FMN2: variants seen among roughly 807,000 people sequenced by gnomAD.
FMN2 encodes formin-2.
Under a neutral mutation model 142.3 loss-of-function variants are expected in FMN2, and 51 were observed. That is an observed-to-expected ratio of 0.36 (90% confidence interval 0.29 to 0.45). FMN2 has a LOEUF of 0.45. Ranked by LOEUF, FMN2 falls within the 20% of genes least tolerant of loss-of-function variation. The pLI, the probability that FMN2 is intolerant of heterozygous loss-of-function variation, is 1.00. For synonymous variants in FMN2, 882 were observed against 869.8 expected (o/e 1.01, Z -0.25); for missense variants, 1,936 against 2,122.8 (o/e 0.91, Z 1.73).
chr1:240,388,407 C>T (rs1468441349), intron 14 of FMN2, among the ~76,000 whole-genome samples: 1 of 152,064 alleles, frequency 6.6e-6, no homozygotes, highest in Non-Finnish European at 1.5e-5. Context: ...CTGACTAAAG[C>T]TCATGTTCTA....
intron 13 of FMN2, among the ~76,000 whole-genome samples, chr1:240,353,106 C>T (rs905039821): frequency 3.2e-4 from 49 of 152,192 alleles, no homozygotes; most frequent in African/African-American, 9.7e-4. Flanking sequence ...TGTCAACACC[C>T]GGTCATTCAT....
chr1:240,122,339 C>G (rs1662314626), intron 1 of FMN2, among the ~76,000 whole-genome samples: 1 of 152,070 alleles, frequency 6.6e-6, no homozygotes, highest in Non-Finnish European at 1.5e-5. Flanking sequence ...TCTCGGCTCA[C>G]TGCAACCTCC....
chr1:240,203,509 C>T (rs34896312), intron 4 of FMN2, among the ~76,000 whole-genome samples: 9 of 152,152 alleles, frequency 5.9e-5, no homozygotes, highest in Non-Finnish European at 8.8e-5. Context: ...TCCTTTGCAG[C>T]GACATGGATG....
chr1:240,366,391 A>G (rs978966256), intron 14 of FMN2, among the ~76,000 whole-genome samples: 7 of 152,352 alleles, frequency 4.6e-5, no homozygotes, highest in African/African-American at 1.4e-4. Context: ...GACTGGAAAT[A>G]TAAGCATACC....
intron 7 of FMN2, among the ~76,000 whole-genome samples, chr1:240,259,487 C>T (rs199603041): frequency 2.2e-5 from 3 of 134,262 alleles, no homozygotes; most frequent in African/African-American, 5.6e-5. Context: ...ACCCTGTACA[C>T]TTTTTTTTTT....
intron 15 of FMN2, among the ~76,000 whole-genome samples, chr1:240,400,000 A>G (rs568990443): frequency 6.6e-6 from 1 of 152,290 alleles, no homozygotes; most frequent in Non-Finnish European, 1.5e-5. Flanking sequence ...AACATGAAGA[A>G]TTTCATACCT....
chr1:240,158,746 G>A (rs1353848569), intron 2 of FMN2, among the ~76,000 whole-genome samples: 2 of 152,022 alleles, frequency 1.3e-5, no homozygotes, highest in Non-Finnish European at 2.9e-5. Flanking sequence ...AACCCCTAAT[G>A]CATCCCCTAT....
At chr1:240,302,241 T>A (rs1355128403) in intron 8 of FMN2, among the ~76,000 whole-genome samples, 3 of 152,220 alleles carry the variant, frequency 2.0e-5, no homozygotes, top group Non-Finnish European at 4.4e-5. Flanking sequence ...ATTGATAATT[T>A]TTGTTACAAA....
At chr1:240,254,177 G>C (rs766389292) in intron 6 of FMN2, among the ~76,000 whole-genome samples, 2 of 152,160 alleles carry the variant, frequency 1.3e-5, no homozygotes, top group Non-Finnish European at 2.9e-5. Context: ...CGTGCTGAGG[G>C]ACGCAGTAGT....
intron 16 of FMN2, among the ~76,000 whole-genome samples, chr1:240,449,142 C>CAAA (rs35957230): frequency 7.3e-6 from 1 of 137,510 alleles, no homozygotes. Flanking sequence ...GACCCTGTCT[C>CAAA]AAAAAAAAAA....
chr1:240,295,015 AG>A (rs1669918454), intron 8 of FMN2, 132 bp downstream of exon 8: 1 of 683,746 alleles, frequency 1.5e-6, no homozygotes, highest in East Asian at 2.8e-5. Flanking sequence ...TTGCCTAAGT[AG>A]GTGTTTGTTA....
At chr1:240,405,855 G>A (rs976882898) in intron 15 of FMN2, among the ~76,000 whole-genome samples, 2 of 152,178 alleles carry the variant, frequency 1.3e-5, no homozygotes, top group African/African-American at 2.4e-5. Flanking sequence ...ATCAGCTTTA[G>A]AAGATTGTCA....
At chr1:240,419,893 G>GC (rs1674708091) in intron 15 of FMN2, among the ~76,000 whole-genome samples, 1 of 152,096 alleles carries the variant, frequency 6.6e-6, no homozygotes. Context: ...CTTTTCTGTG[G>GC]TCATAGAGGT....
chr1:240,207,400 G>T lies in FMN2; in HGVS notation c.2588G>T (p.Cys863Phe). 3.7e-6 allele frequency: 6 copies of T among 1,613,746 alleles called. No individual in the cohort carries two copies. The highest frequency in any genetic ancestry group is 5.1e-6 in the Non-Finnish European group (6 of 1,179,850). The change falls in exon 5 of 18, where the codon TGC (cysteine) becomes TTC (phenylalanine). Residue 863 changes from cysteine to phenylalanine, a missense_variant. Around this residue, in one of 8 missense-constraint regions of FMN2, gnomAD observed 478 missense variants for 462.8 expected, o/e 1.03. Coordinates refer to ENST00000319653, the MANE Select transcript of FMN2 (RefSeq NM_020066.5). ...ATCCCATCTCCACCACCTCTGCCTT[G>T]CACAGAGTCCTCCAGCTCCATGCCT... ...CNIPSPPPLP[C>F]TESSSSMPGL...
intron 1 of FMN2, among the ~76,000 whole-genome samples, chr1:240,111,566 T>G (rs1450486529): frequency 3.3e-5 from 5 of 152,130 alleles, no homozygotes; most frequent in African/African-American, 1.2e-4. Context: ...GAGTGTAACA[T>G]GAGGATGACC....
chr1:240,227,542 A>C (rs1359946541), intron 6 of FMN2, among the ~76,000 whole-genome samples: 1 of 152,212 alleles, frequency 6.6e-6, no homozygotes, highest in Non-Finnish European at 1.5e-5. Flanking sequence ...TCCTGATTTC[A>C]AAAGTTATTA....
intron 2 of FMN2, among the ~76,000 whole-genome samples, chr1:240,155,536 CTCTCA>C: frequency 6.6e-6 from 1 of 152,184 alleles, no homozygotes; most frequent in East Asian, 1.9e-4. Flanking sequence ...CTGCCTTGGC[CTCTCA>C]AAGTGCTGGG....
chr1:240,373,285 A>G (rs559201935), intron 14 of FMN2, among the ~76,000 whole-genome samples: 2 of 152,270 alleles, frequency 1.3e-5, no homozygotes, highest in South Asian at 4.1e-4. Flanking sequence ...GCTCGCTGAC[A>G]GGTCAGGGTG....
chr1:240,241,825 C>CTTCTTTTTTTTTTTTTTT (rs1667908718), intron 6 of FMN2, among the ~76,000 whole-genome samples: 3 of 96,200 alleles, frequency 3.1e-5, no homozygotes, highest in Non-Finnish European at 6.4e-5. Context: ...GTGTGCCTTG[C>CTTCTTTTTTTTTTTTTTT]TTTTTTTTTT....
Sources: allele counts gnomAD v4.1 joint callset (sites outside exome capture counted in the v4.1 genomes callset), GRCh38; gene constraint gnomAD v4.1.1; regional missense constraint gnomAD v4.1.1; transcripts MANE v1.5; gene names NCBI Gene and HGNC (gene_info 2026-07-23, HGNC 2026-07-21).